PLPP1: variants seen among roughly 807,000 people sequenced by gnomAD.
PLPP1 encodes phospholipid phosphatase 1.
Under a neutral mutation model 31.2 loss-of-function variants are expected in PLPP1, and 24 were observed. The observed-to-expected ratio is 0.77, with a 90% CI of 0.56 to 1.08. The LOEUF is 1.08. PLPP1 is among the 50% of genes least tolerant of loss of function. PLPP1 has a pLI of 0.00. For synonymous variants in PLPP1, 146 were observed against 126.3 expected (o/e 1.16, Z -1.05); for missense variants, 319 against 342.7 (o/e 0.93, Z 0.55).
chr5:55,444,610 G>A (rs1218410570), intron 3 of PLPP1, among the ~76,000 whole-genome samples: 7 of 152,234 alleles, frequency 4.6e-5, no homozygotes, highest in Non-Finnish European at 8.8e-5. Context: ...GAAAATTTAC[G>A]GAGAGAAAAA....
chr5:55,512,725 C>CACACACACACAT (rs58233830), intron 1 of PLPP1, among the ~76,000 whole-genome samples: 116,180 of 150,712 alleles, frequency 0.77, 45,857 homozygotes, highest in Non-Finnish European at 0.87. Context: ...TTATAAACTA[C>CACACACACACAT]ACACACACAC....
intron 1 of PLPP1, among the ~76,000 whole-genome samples, chr5:55,499,310 C>T (rs1373972959): frequency 2.6e-5 from 4 of 152,144 alleles, no homozygotes; most frequent in Non-Finnish European, 4.4e-5. Flanking sequence ...AGTTAGCAAA[C>T]GAGTTAGACA....
chr5:55,429,704 C>G (rs780047057), intron 4 of PLPP1, among the ~76,000 whole-genome samples: 1 of 152,248 alleles, frequency 6.6e-6, no homozygotes, highest in African/African-American at 2.4e-5. Context: ...TGCATATCCA[C>G]ATCTCTGAAG....
At chr5:55,504,197 CGT>C (rs753042049) in intron 1 of PLPP1, among the ~76,000 whole-genome samples, 1 of 151,444 alleles carries the variant, frequency 6.6e-6, no homozygotes, top group Non-Finnish European at 1.5e-5. Flanking sequence ...GGTGAAACCC[CGT>C]CTCTACTAAT....
rs916383730 is a variant in PLPP1, at chr5:55,534,690, C to T, written c.-61G>A. The stretch of plus-strand genomic sequence containing the variant: ...CTGAGCTGCGGGACGGCGGCCGAGG[C>T]CCTTGATTCTCGAGCCCGGGCCGGG... On this transcript the variant is annotated 5_prime_UTR_variant, in exon 1 of 6. Transcript: ENST00000307259. 7.4e-6 allele frequency: 11 copies of T among 1,487,006 alleles called. No individual in the cohort carries two copies. In the South Asian group the frequency reaches 1.4e-4, roughly 19 times the overall value. The allele number at this position is 1,487,006 out of a possible 1,614,324, so 92.1% of individuals were successfully genotyped here.
At chr5:55,441,539 T>C (rs888492290) in intron 4 of PLPP1, among the ~76,000 whole-genome samples, 1 of 152,156 alleles carries the variant, frequency 6.6e-6, no homozygotes, top group Admixed American at 6.5e-5. Flanking sequence ...TCGCCCACAC[T>C]GAGCAGATGA....
intron 3 of PLPP1, among the ~76,000 whole-genome samples, chr5:55,464,363 T>C (rs1210610065): frequency 6.6e-6 from 1 of 151,934 alleles, no homozygotes; most frequent in Non-Finnish European, 1.5e-5. Flanking sequence ...GCCTCCCAAG[T>C]AGCTGGGATT....
intron 3 of PLPP1, among the ~76,000 whole-genome samples, chr5:55,459,272 G>A (rs1177738832): frequency 6.7e-6 from 1 of 149,274 alleles, no homozygotes; most frequent in Non-Finnish European, 1.5e-5. Flanking sequence ...ATATTGAACA[G>A]CACGGCCACA....
At chr5:55,529,250 T>C (rs1740574005) in intron 1 of PLPP1, among the ~76,000 whole-genome samples, 1 of 116,334 alleles carries the variant, frequency 8.6e-6, no homozygotes, top group South Asian at 3.2e-4. Context: ...CACACATACG[T>C]GTATATATAC....
Position 55,468,074 on chromosome 5 carries a change from C to G in PLPP1, c.286G>C (p.Ala96Pro), listed in dbSNP as rs750975037. ...SNSFIRNNYI[A>P]TIYKAIGTFL... is the part of the protein sequence containing the mutation. The stretch of plus-strand genomic sequence containing the variant: ...GTTCCAATGGCTTTGTAAATAGTGG[C>G]TATGTAGTTATTCCTGATAAAGGAA... The change falls in exon 3 of 6, where the codon GCC (alanine) becomes CCC (proline). Residue 96 changes from alanine (A) to proline (P), a missense_variant. Physicochemically the swap from Ala to Pro is conservative, Grantham distance 27. Transcript: ENST00000307259. 5 of 1,613,934 alleles carry G rather than the reference C, an allele frequency of 3.1e-6. No individual in the cohort carries two copies. The highest frequency in any genetic ancestry group is 4.2e-6 in the Non-Finnish European group (5 of 1,179,888).
intron 1 of PLPP1, among the ~76,000 whole-genome samples, chr5:55,519,263 T>C (rs1480859990): frequency 1.3e-5 from 2 of 152,208 alleles, no homozygotes; most frequent in Non-Finnish European, 2.9e-5. Context: ...AAACCTTTTC[T>C]CCAAGTGGCT....
At chr5:55,453,513 G>T (rs1304383521) in intron 3 of PLPP1, among the ~76,000 whole-genome samples, 3 of 152,154 alleles carry the variant, frequency 2.0e-5, no homozygotes, top group Non-Finnish European at 4.4e-5. Context: ...AACACATCTG[G>T]CAAGTATTGG....
intron 4 of PLPP1, among the ~76,000 whole-genome samples, chr5:55,430,943 T>C (rs988802300): frequency 6.6e-6 from 1 of 152,006 alleles, no homozygotes; most frequent in African/African-American, 2.4e-5. Context: ...GAATGAAATA[T>C]AAAATAGATC....
rs1286674956 is a variant in PLPP1, at chr5:55,425,242, T to G, written c.819A>C (p.Thr273=). The G allele has an allele frequency of 1.9e-6, 3 of 1,613,952 alleles. No individual in the cohort carries two copies. Among genetic ancestry groups the G allele is most frequent in the Middle Eastern group, 1.7e-4 (1 of 6,060 alleles). The change falls in exon 6 of 6, where the codon ACA becomes ACC. Residue 273 remains threonine, a synonymous_variant. Coordinates refer to ENST00000307259, the MANE Select transcript of PLPP1 (RefSeq NM_003711.4). The stretch of plus-strand genomic sequence containing the variant: ...GATTGCTCGGATAGTGATTCCCAGT[T>G]GTTGGTGTTTCATGCAGAGTTGTAT... The part of the protein sequence containing the change: ...DSHTTLHETP[T]TGNHYPSNHQ...
At chr5:55,434,456 AAG>A (rs1357448318) in intron 4 of PLPP1, among the ~76,000 whole-genome samples, 3 of 152,212 alleles carry the variant, frequency 2.0e-5, no homozygotes, top group Admixed American at 1.3e-4. Context: ...AGAATTAAAA[AAG>A]AGCCAGAAAG....
At chr5:55,489,931 A>AT (rs1292803546) in intron 1 of PLPP1, among the ~76,000 whole-genome samples, 4 of 152,188 alleles carry the variant, frequency 2.6e-5, no homozygotes. Flanking sequence ...TTCTATTTCC[A>AT]AGTCACATAA....
chr5:55,483,532 C>A (rs1752713392), intron 1 of PLPP1, among the ~76,000 whole-genome samples: 1 of 151,854 alleles, frequency 6.6e-6, no homozygotes, highest in Admixed American at 6.6e-5. Flanking sequence ...ATTAGCCAGG[C>A]ATGGTGGCAC....
chr5:55,505,037 C>T (rs534401204), intron 1 of PLPP1, among the ~76,000 whole-genome samples: 64 of 152,174 alleles, frequency 4.2e-4, no homozygotes, highest in Middle Eastern at 3.4e-3. Context: ...TCTCAAACTC[C>T]TGGTCGCAAG....
intron 1 of PLPP1, among the ~76,000 whole-genome samples, chr5:55,529,251 GTATA>G (rs903581290): frequency 8.7e-6 from 1 of 114,286 alleles, no homozygotes; most frequent in African/African-American, 3.3e-5. Flanking sequence ...ACACATACGT[GTATA>G]TATACACACA....
Sources: gnomAD v4.1 joint callset for allele counts (sites outside exome capture counted in the v4.1 genomes callset) on GRCh38, gnomAD v4.1.1 for gene constraint, MANE v1.5 for transcripts, NCBI Gene and HGNC (gene_info 2026-07-23, HGNC 2026-07-21) for gene names.